Variants in CSNK1E observed in about 807,000 individuals in gnomAD.
CSNK1E encodes casein kinase I isoform epsilon.
Under a neutral mutation model 46.1 loss-of-function variants are expected in CSNK1E, and 17 were observed. The ratio of observed to expected loss-of-function variants is 0.37; its 90% confidence interval spans 0.25 to 0.55. The LOEUF is 0.55. Among genes scored for constraint, CSNK1E ranks in the 20% least tolerant of loss-of-function variants. The probability of loss-of-function intolerance (pLI) is 0.82; values close to 1 mark genes in which losing one functional copy is unlikely to be tolerated. For missense variants in CSNK1E, 386 were observed against 595.4 expected (o/e 0.65, Z 3.66); for synonymous variants, 241 against 242.6 (o/e 0.99, Z 0.06).
At chr22:38,297,104 A>G (rs1245911916) in intron 7 of CSNK1E, 1 of 777,650 alleles carries the variant, frequency 1.3e-6, no homozygotes, top group South Asian at 1.3e-5. Context: ...ATTTTAATTC[A>G]TTAAAAATGT....
At chr22:38,297,609 AGAG>A in intron 7 of CSNK1E, 1 of 995,806 alleles carries the variant, frequency 1.0e-6, no homozygotes, top group African/African-American at 1.7e-5. Context: ...GGATGAAGCA[AGAG>A]GAGGTGTTTA....
At chr22:38,296,287 C>A (rs2092639987) in intron 7 of CSNK1E, 1 of 1,266,948 alleles carries the variant, frequency 7.9e-7, no homozygotes, top group South Asian at 2.3e-5. Flanking sequence ...ATCATATGGA[C>A]CTCTGTCCTT....
chr22:38,302,815 T>C (rs199930395), intron 4 of CSNK1E, 46 bp downstream of exon 4: 2 of 1,608,568 alleles, frequency 1.2e-6, no homozygotes, highest in East Asian at 4.5e-5. Flanking sequence ...GCTGGTATCC[T>C]GGGCCCACAG....
intron 2 of CSNK1E, among the ~76,000 whole-genome samples, chr22:38,313,848 C>A (rs1487800363): frequency 1.3e-5 from 2 of 152,232 alleles, no homozygotes; most frequent in East Asian, 1.9e-4. Flanking sequence ...CCGCATGACT[C>A]CTGCAGAAAC....
chr22:38,302,016 T>C (rs550216329), intron 4 of CSNK1E, among the ~76,000 whole-genome samples: 7 of 152,300 alleles, frequency 4.6e-5, no homozygotes, highest in Non-Finnish European at 8.8e-5. Flanking sequence ...GCTTAGTACT[T>C]AACAACAGCC....
chr22:38,295,426 G>T, intron 7 of CSNK1E: 9 of 983,962 alleles, frequency 9.1e-6, no homozygotes, highest in Non-Finnish European at 1.1e-5. Context: ...AGGGCAGGGG[G>T]CTGGCAGGAA....
intron 7 of CSNK1E, chr22:38,297,287 G>A: frequency 3.2e-6 from 2 of 623,418 alleles, no homozygotes; most frequent in Non-Finnish European, 2.9e-6. Context: ...GAAAGAGCTG[G>A]TCCCAGGTGC....
chr22:38,292,515 T>C (rs2092616669), intron 10 of CSNK1E: 1 of 152,226 alleles, frequency 6.6e-6, no homozygotes, highest in African/African-American at 2.4e-5. Flanking sequence ...GCCCTGTTCA[T>C]GCCTCCACTC....
At chr22:38,301,416 C>A (rs1367639836) in intron 4 of CSNK1E, among the ~76,000 whole-genome samples, 3 of 152,002 alleles carry the variant, frequency 2.0e-5, no homozygotes, top group Non-Finnish European at 2.9e-5. Flanking sequence ...CTCAGACAGG[C>A]ACATGGCCCT....
intron 7 of CSNK1E, chr22:38,297,519 T>C (rs1240463718): frequency 6.0e-6 from 6 of 1,000,218 alleles, no homozygotes; most frequent in East Asian, 8.8e-5. Flanking sequence ...TGTGCCGACC[T>C]TGGCTTCCAG....
chr22:38,302,106 C>A (rs1026019343), intron 4 of CSNK1E, among the ~76,000 whole-genome samples: 4 of 152,212 alleles, frequency 2.6e-5, no homozygotes, highest in Non-Finnish European at 5.9e-5. Flanking sequence ...GAGAGACTCT[C>A]ACATGAGGCC....
rs777442184 is a variant in CSNK1E, at chr22:38,290,920, AAAAC to A, written c.*1047_*1050del. The A allele has an allele frequency of 1.3e-5, 2 of 152,292 alleles. No homozygotes were observed. Among genetic ancestry groups the A allele is most frequent in the African/African-American group, 4.8e-5 (2 of 41,404 alleles). The allele number at this position is 152,292 out of a possible 1,614,324, so 9.4% of individuals were successfully genotyped here. A position where few individuals can be genotyped will look rare whatever the true frequency, so the allele number is the denominator to read the frequency against. On this transcript the variant is annotated 3_prime_UTR_variant, in exon 11 of 11. Coordinates refer to ENST00000396832, the MANE Select transcript of CSNK1E (RefSeq NM_152221.3). ...AAATTAGGAAAACACACACACGGAG[AAAAC>A]AAACAAAAATAAAATAAAATAAAAA...
chr22:38,299,677 T>G (rs984875391), intron 6 of CSNK1E, among the ~76,000 whole-genome samples: 4 of 152,210 alleles, frequency 2.6e-5, no homozygotes, highest in Non-Finnish European at 2.9e-5. Flanking sequence ...GTGGGGCTAA[T>G]TTTTGTATTT....
At chr22:38,301,509 T>C (rs547919243) in intron 4 of CSNK1E, among the ~76,000 whole-genome samples, 1 of 152,072 alleles carries the variant, frequency 6.6e-6, no homozygotes, top group Non-Finnish European at 1.5e-5. Flanking sequence ...CTCGGCTCAC[T>C]GCAACTTCTG....
chr22:38,312,024 G>A (rs1250186821), intron 2 of CSNK1E, among the ~76,000 whole-genome samples: 2 of 152,080 alleles, frequency 1.3e-5, no homozygotes, highest in Admixed American at 1.3e-4. Context: ...GGCTGGTCTC[G>A]AACTCCTGAC....
At chr22:38,310,965 CAG>C (rs2092718338) in intron 2 of CSNK1E, among the ~76,000 whole-genome samples, 1 of 152,220 alleles carries the variant, frequency 6.6e-6, no homozygotes, top group South Asian at 2.1e-4. Flanking sequence ...ACCAACAAGA[CAG>C]GGGCCCAGGA....
In CSNK1E at chr22:38,291,754, G is replaced by C. The variant is rs533185266; in HGVS notation, c.*217C>G. 3 of 152,450 alleles carry C rather than the reference G, an allele frequency of 2.0e-5. No homozygotes were observed. Among genetic ancestry groups the C allele is most frequent in the African/African-American group, 7.2e-5 (3 of 41,420 alleles). The allele number at this position is 152,450 out of a possible 1,614,324, so 9.4% of individuals were successfully genotyped here. On this transcript the variant is annotated 3_prime_UTR_variant, in exon 11 of 11. Transcript: ENST00000396832. ...TGGCAGCCTGAAGGTTGGGGGCAGC[G>C]GGCACCACAAGGGGGCAAGAATCCT...
In CSNK1E at chr22:38,301,325, C is replaced by G. The variant is rs114198963; in HGVS notation, c.337-373G>C. ...GCAACAGATGTGGGCGAGGGGCAGGCAGGGAACATGGGGGAAGCCTAGACC... is the reference window on the plus strand; with the variant it reads ...GCAACAGATGTGGGCGAGGGGCAGGGAGGGAACATGGGGGAAGCCTAGACC... On this transcript the variant is annotated intron_variant, in intron 4 of 10. Transcript: ENST00000396832. 3.9e-3 allele frequency among the ~76,000 whole-genome samples: 597 copies of G among 152,176 alleles called. 1 individual carries two copies. The highest frequency in any genetic ancestry group is 0.014 in the African/African-American group (572 of 41,518).
At chr22:38,301,866 TCA>T (rs770418363) in intron 4 of CSNK1E, among the ~76,000 whole-genome samples, 1 of 152,266 alleles carries the variant, frequency 6.6e-6, no homozygotes, top group East Asian at 1.9e-4. Flanking sequence ...GACCCTCTGC[TCA>T]CACACCTTCA....
Sources: gnomAD v4.1 joint callset for allele counts (sites outside exome capture counted in the v4.1 genomes callset) on GRCh38, gnomAD v4.1.1 for gene constraint, MANE v1.5 for transcripts, NCBI Gene and HGNC (gene_info 2026-07-23, HGNC 2026-07-21) for gene names.